Variants in KMT2E observed in about 807,000 individuals in gnomAD.
KMT2E encodes the protein histone reader KMT2E.
In KMT2E, 30 loss-of-function variants were observed where a neutral mutation model predicts 184.6. The observed-to-expected ratio is 0.16, with a 90% CI of 0.12 to 0.22. The LOEUF (loss-of-function observed/expected upper bound fraction) is 0.22, where lower values mean the gene tolerates loss of function less well. Among genes scored for constraint, KMT2E ranks in the 10% least tolerant of loss-of-function variants. The pLI is 1.00. For missense variants in KMT2E, 2,023 were observed against 2,237.4 expected (o/e 0.90, Z 1.93); for synonymous variants, 815 against 776.5 (o/e 1.05, Z -0.82).
intron 3 of KMT2E, among the ~76,000 whole-genome samples, chr7:105,047,861 A>G (rs1213787525): frequency 6.6e-6 from 1 of 152,226 alleles, no homozygotes; most frequent in Admixed American, 6.5e-5. Context: ...AAAGGAAAAC[A>G]ACTCTGGTTG....
chr7:105,014,738 A>G (rs1188516821), intron 1 of KMT2E, among the ~76,000 whole-genome samples: 1 of 151,950 alleles, frequency 6.6e-6, no homozygotes, highest in Admixed American at 6.6e-5. Flanking sequence ...ATGGAGCATT[A>G]TGGCGGGTTT....
At chr7:105,024,328 A>T (rs1483841343) in intron 1 of KMT2E, among the ~76,000 whole-genome samples, 1 of 152,212 alleles carries the variant, frequency 6.6e-6, no homozygotes, top group African/African-American at 2.4e-5. Context: ...TAGTACTACT[A>T]AGTCTTAATT....
At position 105,083,639 on chromosome 7, in the gene KMT2E, G is replaced by A. The variant is rs145633269; in HGVS notation, c.1358+1842G>A. On this transcript the variant is annotated intron_variant, in intron 13 of 26. Transcript: ENST00000311117. Reference sequence around the variant, plus strand: ...AACCCAAATGCATTTGCACAAAACAGTAGAGTTAATCTGTCCCTTCCTGCC... The same window carrying A: ...AACCCAAATGCATTTGCACAAAACAATAGAGTTAATCTGTCCCTTCCTGCC... Among the ~76,000 whole-genome samples, 19 of 152,342 alleles carry A rather than the reference G, an allele frequency of 1.2e-4. No individual in the cohort carries two copies. In the East Asian group the frequency reaches 3.3e-3, roughly 26 times the overall value.
chr7:105,101,739 A>G, intron 16 of KMT2E, 147 bp from the exon 17 acceptor site: 2 of 945,868 alleles, frequency 2.1e-6, no homozygotes, highest in Non-Finnish European at 3.0e-6. Flanking sequence ...GCTTGAGATA[A>G]AAGACTATAT....
rs749233634 is a variant in KMT2E, at chr7:105,090,115, C to T, written c.1465C>T (p.Arg489Trp). The change falls in exon 14 of 27, where the codon CGG becomes TGG. Residue 489 changes from arginine (R) to tryptophan (W), a missense_variant. Transcript: ENST00000311117. ...TATCAATAGTGGTTATGAGACCAGA[C>T]GGAAAAAAGGAAAAAAAGACAAAGA... Reference protein sequence around the residue: ...ENINSGYETRRKKGKKDKDIS... With the variant: ...ENINSGYETRWKKGKKDKDIS... The T allele has an allele frequency of 2.6e-5, 42 of 1,611,600 alleles. No individual in the cohort carries two copies. The highest frequency in any genetic ancestry group is 5.5e-5 in the South Asian group (5 of 90,880).
intron 13 of KMT2E, among the ~76,000 whole-genome samples, chr7:105,087,230 CATAT>C (rs921248600): frequency 4.0e-4 from 56 of 140,794 alleles, no homozygotes; most frequent in African/African-American, 1.4e-3. Flanking sequence ...ATTATATAAG[CATAT>C]ATATAAAGAG....
At chr7:105,077,640 C>A in intron 11 of KMT2E, 1 of 482,962 alleles carries the variant, frequency 2.1e-6, no homozygotes, top group East Asian at 3.6e-5. Flanking sequence ...AGATATATTC[C>A]GGTCTCTTGC....
chr7:105,106,146 G>A, intron 19 of KMT2E, 143 bp downstream of exon 19: 2 of 882,462 alleles, frequency 2.3e-6, no homozygotes, highest in Non-Finnish European at 1.7e-6. Context: ...TCTGTCCTCT[G>A]TATTTTTTGG....
chr7:105,067,212 A>G (rs887396959), intron 6 of KMT2E, among the ~76,000 whole-genome samples: 6 of 151,922 alleles, frequency 3.9e-5, no homozygotes, highest in Non-Finnish European at 8.8e-5. Flanking sequence ...GAAAATATCT[A>G]TCAATAGTGT....
At chr7:105,105,763 G>T in intron 18 of KMT2E, 70 bp downstream of exon 18, 1 of 1,560,840 alleles carries the variant, frequency 6.4e-7, no homozygotes, top group Non-Finnish European at 8.6e-7. Flanking sequence ...TACCATCCAT[G>T]GTAGTGAAAT....
chr7:105,110,962 C>G, intron 26 of KMT2E, 94 bp downstream of exon 26: 1 of 833,366 alleles, frequency 1.2e-6, no homozygotes, highest in East Asian at 2.5e-5. Flanking sequence ...TCTGCTGTAT[C>G]AAGTATCAAC....
At chr7:105,069,638 T>A (rs1002436883) in intron 6 of KMT2E, among the ~76,000 whole-genome samples, 2 of 152,256 alleles carry the variant, frequency 1.3e-5, no homozygotes, top group Admixed American at 6.5e-5. Context: ...AGTTGTAGAT[T>A]CACATGCAGT....
intron 22 of KMT2E, among the ~76,000 whole-genome samples, chr7:105,108,339 A>T (rs1023902565): frequency 3.7e-4 from 57 of 152,292 alleles, no homozygotes; most frequent in African/African-American, 1.3e-3. Context: ...TAGGCCATGG[A>T]TGTAAGAGTG....
chr7:105,112,668 C>T lies in KMT2E; in HGVS notation c.4912C>T (p.Pro1638Ser), dbSNP rs138310317. The stretch of plus-strand genomic sequence containing the variant: ...TCCTCCACCACCACCTGCTCCAGGA[C>T]CGCACCTTGTACAACAGCCGAATTC... ...PPPPPPPAPG[P>S]HLVQQPNSHQ... is the part of the protein sequence containing the mutation. Residue 1638 changes from proline (P) to serine (S), a missense_variant, in exon 27 of 27, where the codon CCG (proline) becomes TCG (serine). Pro to Ser is a moderately conservative substitution (Grantham distance 74). This residue lies in a region of KMT2E where 1,108 missense variants were observed against 1,050.9 expected (regional missense o/e 1.05). Coordinates refer to ENST00000311117, the MANE Select transcript of KMT2E (RefSeq NM_182931.3). The T allele has an allele frequency of 6.2e-6, 10 of 1,613,880 alleles. No individual in the cohort carries two copies. Among genetic ancestry groups the T allele is most frequent in the Non-Finnish European group, 8.5e-6 (10 of 1,180,004 alleles).
intron 2 of KMT2E, among the ~76,000 whole-genome samples, chr7:105,039,621 G>A (rs944121266): frequency 6.6e-6 from 1 of 152,080 alleles, no homozygotes; most frequent in Non-Finnish European, 1.5e-5. Flanking sequence ...TTACCAAAGC[G>A]GGTTAATAAC....
At chr7:105,086,786 T>TA (rs1173467707) in intron 13 of KMT2E, among the ~76,000 whole-genome samples, 19 of 139,548 alleles carry the variant, frequency 1.4e-4, no homozygotes, top group Admixed American at 8.0e-4. Flanking sequence ...AAAATAAATA[T>TA]AATATATAAA....
intron 3 of KMT2E, among the ~76,000 whole-genome samples, chr7:105,041,349 G>C (rs1795872071): frequency 6.6e-6 from 1 of 152,058 alleles, no homozygotes. Flanking sequence ...TGTTATTCCA[G>C]TGTCACTAGA....
At chr7:105,015,361 C>A (rs1184093109) in intron 1 of KMT2E, among the ~76,000 whole-genome samples, 1 of 152,184 alleles carries the variant, frequency 6.6e-6, no homozygotes, top group Non-Finnish European at 1.5e-5. Flanking sequence ...TTCTACTGGC[C>A]TTAGTTCCGT....
At chr7:105,063,308 G>A (rs768545525) in intron 4 of KMT2E, 43 bp from the exon 5 acceptor site, 13 of 1,352,124 alleles carry the variant, frequency 9.6e-6, no homozygotes, top group Admixed American at 4.4e-5. Flanking sequence ...TATCATTGTT[G>A]AAATTAAATA....
Sources: gnomAD v4.1 joint callset for allele counts (sites outside exome capture counted in the v4.1 genomes callset) on GRCh38, gnomAD v4.1.1 for gene constraint, gnomAD v4.1.1 regional missense constraint, MANE v1.5 for transcripts, NCBI Gene and HGNC (gene_info 2026-07-23, HGNC 2026-07-21) for gene names.